DRC11: variants seen among roughly 807,000 people sequenced by gnomAD.
The protein encoded by DRC11 is IQ and AAA domain-containing protein 1.
chr2:236,357,062 A>ATATTCATATATTATATATCTATT, the DRC11 span, among the ~76,000 whole-genome samples: 3 of 89,808 alleles, frequency 3.3e-5, no homozygotes, highest in South Asian at 3.1e-4. Context: ...ATCTATTTAT[A>ATATTCATATATTATATATCTATT]TATTCATATA....
chr2:236,488,527 T>C, the DRC11 span, among the ~76,000 whole-genome samples: 1 of 152,188 alleles, frequency 6.6e-6, no homozygotes, highest in Non-Finnish European at 1.5e-5. Flanking sequence ...GAAATTGCTA[T>C]CAATATTTCA....
chr2:236,351,517 G>A, the DRC11 span, among the ~76,000 whole-genome samples: 5 of 152,320 alleles, frequency 3.3e-5, no homozygotes, highest in Admixed American at 2.6e-4. The surrounding 1 kb of genome is among the most constrained non-coding windows in gnomAD (Gnocchi z 7.3). Flanking sequence ...AAAGTGCACG[G>A]CCATGCTACA....
the DRC11 span, among the ~76,000 whole-genome samples, chr2:236,315,156 ATTG>A: frequency 1.1e-4 from 16 of 152,296 alleles, no homozygotes; most frequent in African/African-American, 2.2e-4. The surrounding 1 kb of genome is among the most constrained non-coding windows in gnomAD (Gnocchi z 5.1). Context: ...ACTTGTTTTC[ATTG>A]TTGTTGTTGT....
At chr2:236,484,798 G>A in the DRC11 span, among the ~76,000 whole-genome samples, 1 of 152,158 alleles carries the variant, frequency 6.6e-6, no homozygotes, top group Non-Finnish European at 1.5e-5. Context: ...CGTTAGCATG[G>A]ATTTTTAAAA....
At chr2:236,337,068 G>A in the DRC11 span, among the ~76,000 whole-genome samples, 22 of 152,090 alleles carry the variant, frequency 1.4e-4, no homozygotes, top group African/African-American at 4.3e-4. This position sits in a 1 kb window ranked among gnomAD's most constrained non-coding sequence, Gnocchi z 4.9. Context: ...CATAGGCCCC[G>A]CTCAGTGCCC....
the DRC11 span, among the ~76,000 whole-genome samples, chr2:236,442,632 G>C: frequency 6.6e-6 from 1 of 152,024 alleles, no homozygotes; most frequent in Admixed American, 6.5e-5. Context: ...CTCAGGTCTC[G>C]GTCACTGGAA....
At chr2:236,361,407 G>A in the DRC11 span, among the ~76,000 whole-genome samples, 1 of 152,026 alleles carries the variant, frequency 6.6e-6, no homozygotes, top group Non-Finnish European at 1.5e-5. The surrounding 1 kb of genome is among the most constrained non-coding windows in gnomAD (Gnocchi z 5.7). Flanking sequence ...ATATGGAGAT[G>A]TATAAAAGAG....
At chr2:236,505,608 G>A in the DRC11 span, among the ~76,000 whole-genome samples, 7 of 152,064 alleles carry the variant, frequency 4.6e-5, no homozygotes, top group Admixed American at 6.5e-5. Context: ...ATCTGATGCT[G>A]TCACCACTGC....
At chr2:236,392,357 TC>T in the DRC11 span, 1 of 1,486,880 alleles carries the variant, frequency 6.7e-7, no homozygotes. This position sits in a 1 kb window ranked among gnomAD's most constrained non-coding sequence, Gnocchi z 5.1. Context: ...ATTTCTACAC[TC>T]CAGAAGGGTA....
the DRC11 span, among the ~76,000 whole-genome samples, chr2:236,506,556 G>A: frequency 6.6e-6 from 1 of 152,302 alleles, no homozygotes; most frequent in South Asian, 2.1e-4. The surrounding 1 kb of genome is among the most constrained non-coding windows in gnomAD (Gnocchi z 4.9). Context: ...GCCCGGCTTG[G>A]CACTGTTCAC....
At chr2:236,436,646 CCTGA>C in the DRC11 span, among the ~76,000 whole-genome samples, 282 of 152,128 alleles carry the variant, frequency 1.9e-3, 8 homozygotes, top group East Asian at 0.048. Context: ...GATATATGTA[CCTGA>C]CTAAGTTTCT....
the DRC11 span, among the ~76,000 whole-genome samples, chr2:236,416,437 G>A: frequency 6.6e-6 from 1 of 151,866 alleles, no homozygotes; most frequent in Non-Finnish European, 1.5e-5. Context: ...GTCCTGAAAG[G>A]GGTATCCAAG....
chr2:236,507,130 G>A, the DRC11 span: 3 of 872,058 alleles, frequency 3.4e-6, no homozygotes, highest in African/African-American at 1.7e-5. Flanking sequence ...AAAAGTGGGG[G>A]AGAGGAGGGA....
chr2:236,362,120 CAG>C, the DRC11 span, among the ~76,000 whole-genome samples: 11 of 152,104 alleles, frequency 7.2e-5, no homozygotes, highest in Admixed American at 2.6e-4. The surrounding 1 kb of genome is among the most constrained non-coding windows in gnomAD (Gnocchi z 5.7). Context: ...AAGCAACTGA[CAG>C]TACTACAGGG....
the DRC11 span, among the ~76,000 whole-genome samples, chr2:236,314,799 A>G: frequency 1.3e-5 from 2 of 152,212 alleles, no homozygotes; most frequent in African/African-American, 4.8e-5. The surrounding 1 kb of genome is among the most constrained non-coding windows in gnomAD (Gnocchi z 4.5). Context: ...AGAAAATTTA[A>G]TGGCTAAAAC....
the DRC11 span, among the ~76,000 whole-genome samples, chr2:236,421,138 C>T: frequency 2.0e-5 from 3 of 152,050 alleles, no homozygotes; most frequent in Middle Eastern, 3.2e-3. Context: ...CCTAACATCA[C>T]AATTAAAAGA....
the DRC11 span, among the ~76,000 whole-genome samples, chr2:236,485,616 T>C: frequency 1.3e-5 from 2 of 152,212 alleles, no homozygotes. Context: ...CTGGTCATAA[T>C]GAGCTTTGCA....
the DRC11 span, chr2:236,419,088 CAAAGA>C: frequency 1.3e-6 from 2 of 1,482,488 alleles, no homozygotes; most frequent in South Asian, 2.9e-5. This position sits in a 1 kb window ranked among gnomAD's most constrained non-coding sequence, Gnocchi z 4.8. Context: ...TGACTCAAAG[CAAAGA>C]AGTCAATAAA....
chr2:236,324,717 T>C, the DRC11 span: 4 of 1,601,852 alleles, frequency 2.5e-6, no homozygotes, highest in Non-Finnish European at 3.4e-6. This position sits in a 1 kb window ranked among gnomAD's most constrained non-coding sequence, Gnocchi z 5.7. Flanking sequence ...TCCTTTGCCT[T>C]TTCTGTGCTG....
Sources: gnomAD v4.1 joint callset for allele counts (sites outside exome capture counted in the v4.1 genomes callset) on GRCh38, gnomAD v4.1.1 for gene constraint, Gnocchi (gnomAD v3.1) non-coding constraint, MANE v1.5 for transcripts, NCBI Gene and HGNC (gene_info 2026-07-23, HGNC 2026-07-21) for gene names.